The following NFIA variants were observed in gnomAD, a reference collection of about 807,000 sequenced individuals.
NFIA encodes the protein nuclear factor 1 A-type.
Under a neutral mutation model 62.8 loss-of-function variants are expected in NFIA, and 8 were observed. That is an observed-to-expected ratio of 0.13 (90% CI 0.07 to 0.23). The LOEUF (loss-of-function observed/expected upper bound fraction) is 0.23. Among genes scored for constraint, NFIA ranks in the 10% least tolerant of loss-of-function variants. The pLI is 1.00. For synonymous variants in NFIA, 235 were observed against 238.1 expected (o/e 0.99, Z 0.12); for missense variants, 410 against 642.1 (o/e 0.64, Z 3.91).
intron 2 of NFIA, among the ~76,000 whole-genome samples, chr1:61,227,822 G>T (rs1461825857): frequency 3.3e-5 from 5 of 152,276 alleles, no homozygotes; most frequent in Middle Eastern, 6.8e-3. Context: ...GCCTTGTCTG[G>T]TATCATAAGC....
intron 7 of NFIA, among the ~76,000 whole-genome samples, chr1:61,385,002 C>T (rs757321723): frequency 6.6e-6 from 1 of 152,036 alleles, no homozygotes; most frequent in Non-Finnish European, 1.5e-5. Context: ...GAGGCCAAGG[C>T]GGGCAGATCA....
At chr1:61,098,572 CTAT>C (rs1441592370) in intron 2 of NFIA, among the ~76,000 whole-genome samples, 4 of 152,190 alleles carry the variant, frequency 2.6e-5, no homozygotes, top group African/African-American at 7.2e-5. Flanking sequence ...AACAGCGTAA[CTAT>C]TGTTGTGCAT....
chr1:61,161,285 C>T (rs899716287), intron 2 of NFIA, among the ~76,000 whole-genome samples: 1 of 152,156 alleles, frequency 6.6e-6, no homozygotes, highest in Non-Finnish European at 1.5e-5. Flanking sequence ...TTAGTTTGTA[C>T]ATTTGGAAAT....
intron 4 of NFIA, among the ~76,000 whole-genome samples, chr1:61,340,683 A>T (rs1008580137): frequency 1.4e-4 from 21 of 152,180 alleles, no homozygotes; most frequent in Admixed American, 8.5e-4. Context: ...GCTGACCACT[A>T]TCAGTAAATT....
At chr1:61,428,143 T>A (rs2100556333) in intron 10 of NFIA, among the ~76,000 whole-genome samples, 1 of 152,294 alleles carries the variant, frequency 6.6e-6, no homozygotes, top group Non-Finnish European at 1.5e-5. Flanking sequence ...TACATAGTAT[T>A]TTTTATATAA....
At chr1:61,299,126 T>G (rs1487359162) in intron 3 of NFIA, among the ~76,000 whole-genome samples, 1 of 152,206 alleles carries the variant, frequency 6.6e-6, no homozygotes, top group African/African-American at 2.4e-5. Context: ...AAAAAGAAGA[T>G]GATCTTCTCT....
chr1:61,089,361 C>G (rs926870456), intron 2 of NFIA, among the ~76,000 whole-genome samples: 2 of 152,102 alleles, frequency 1.3e-5, no homozygotes, highest in Non-Finnish European at 2.9e-5. Flanking sequence ...TAGTGAGTTG[C>G]TTTGATTGTA....
In NFIA at chr1:61,226,309, A is replaced by G. The variant is rs144465685; in HGVS notation, c.560-51211A>G. ...TTAACGAGTCTCCAGATATGTATTT[A>G]CATGATAGACCATACTAACACCTTT... On this transcript the variant is annotated intron_variant, in intron 2 of 10. Coordinates refer to ENST00000403491, the MANE Select transcript of NFIA (RefSeq NM_001134673.4). Among the ~76,000 whole-genome samples the G allele has an allele frequency of 3.9e-5, 6 of 152,344 alleles. No homozygotes were observed. The East Asian group carries it at 1.2e-3, about 29-fold the overall frequency.
At chr1:61,133,031 T>A (rs1171592647) in intron 2 of NFIA, 1 of 152,204 alleles carries the variant, frequency 6.6e-6, no homozygotes, top group Non-Finnish European at 1.5e-5. Flanking sequence ...CCAAACAAGA[T>A]GTCCATGTGC....
intron 9 of NFIA, among the ~76,000 whole-genome samples, chr1:61,419,292 G>T (rs570550643): frequency 3.0e-4 from 46 of 151,970 alleles, no homozygotes; most frequent in South Asian, 6.2e-4. Flanking sequence ...AAAAATAAAA[G>T]TAAAAAAATT....
intron 3 of NFIA, among the ~76,000 whole-genome samples, chr1:61,287,457 T>C (rs2100299955): frequency 6.6e-6 from 1 of 152,294 alleles, no homozygotes; most frequent in East Asian, 1.9e-4. Flanking sequence ...CCCATTAGAT[T>C]ATAACCCCCA....
rs568525871 is a variant in NFIA at position 61,440,648 on chromosome 1, G to A, written c.1512+14092G>A. 2.7e-5 allele frequency among the ~76,000 whole-genome samples: 4 copies of A among 149,664 alleles called. No individual in the cohort carries two copies. In the East Asian group the frequency reaches 7.8e-4, roughly 29 times the overall value. On this transcript the variant is annotated intron_variant, in intron 10 of 10. Coordinates refer to ENST00000403491, the MANE Select transcript of NFIA (RefSeq NM_001134673.4). ...GTTTTTTTTTCTCTTTCAGATTTTT[G>A]TATCCTCCTCCCGATGCTTTTTTTT...
intron 6 of NFIA, among the ~76,000 whole-genome samples, chr1:61,368,100 A>T (rs1663688768): frequency 6.6e-6 from 1 of 152,232 alleles, no homozygotes; most frequent in Non-Finnish European, 1.5e-5. Flanking sequence ...AGGAAAACAG[A>T]TGCTGCATTT....
chr1:61,179,380 A>G (rs1268085996), intron 2 of NFIA, among the ~76,000 whole-genome samples: 1 of 152,196 alleles, frequency 6.6e-6, no homozygotes, highest in Non-Finnish European at 1.5e-5. Context: ...TATTGTTCCT[A>G]GTTCTGTACT....
chr1:61,176,920 C>T (rs987962981), intron 2 of NFIA, among the ~76,000 whole-genome samples: 5 of 151,920 alleles, frequency 3.3e-5, no homozygotes, highest in Middle Eastern at 3.2e-3. Context: ...CTGGCTAACA[C>T]AGTGAAACCC....
intron 2 of NFIA, among the ~76,000 whole-genome samples, chr1:61,149,040 T>C (rs116654175): frequency 0.016 from 1,981 of 122,650 alleles, 17 homozygotes; most frequent in Non-Finnish European, 0.024. Flanking sequence ...ATTTCTTTCT[T>C]TTCTTTTTCT....
chr1:61,217,818 A>T (rs1262157489), intron 2 of NFIA, among the ~76,000 whole-genome samples: 1 of 152,234 alleles, frequency 6.6e-6, no homozygotes, highest in Non-Finnish European at 1.5e-5. Context: ...CATTGTATTC[A>T]GTCTGAGCTC....
At chr1:61,102,067 A>G (rs1646520790) in intron 2 of NFIA, among the ~76,000 whole-genome samples, 1 of 152,238 alleles carries the variant, frequency 6.6e-6, no homozygotes, top group South Asian at 2.1e-4. Flanking sequence ...TAGAGCACAG[A>G]ACAAATTATT....
chr1:61,286,560 T>C (rs1366884324), intron 3 of NFIA, among the ~76,000 whole-genome samples: 1 of 152,164 alleles, frequency 6.6e-6, no homozygotes, highest in East Asian at 1.9e-4. Context: ...AAGACACCAT[T>C]TGTTCGTTCA....
Sources: allele counts gnomAD v4.1 joint callset (sites outside exome capture counted in the v4.1 genomes callset), GRCh38; gene constraint gnomAD v4.1.1; transcripts MANE v1.5; gene names NCBI Gene and HGNC (gene_info 2026-07-23, HGNC 2026-07-21).